SGIP1: variants seen among roughly 807,000 people sequenced by gnomAD.
SGIP1 encodes the protein SH3GL interacting endocytic adaptor 1, also known as SH3-containing GRB2-like protein 3-interacting protein 1.
A neutral mutation model predicts 107.5 loss-of-function variants in SGIP1; 38 were observed. The observed-to-expected ratio is 0.35, with a 90% CI of 0.27 to 0.46. SGIP1 has a LOEUF of 0.46. Ranked by LOEUF, SGIP1 falls within the 20% of genes least tolerant of loss-of-function variation. SGIP1 has a pLI of 1.00. For missense variants in SGIP1, 929 were observed against 1,019.5 expected (o/e 0.91, Z 1.21); for synonymous variants, 365 against 366.1 (o/e 1.00, Z 0.03).
chr1:66,630,203 A>G (rs2073950811), intron 2 of SGIP1, among the ~76,000 whole-genome samples: 1 of 152,178 alleles, frequency 6.6e-6, no homozygotes, highest in Non-Finnish European at 1.5e-5. Context: ...ATTGTGGAAG[A>G]CCATCCCAAC....
chr1:66,695,525 T>C, intron 18 of SGIP1, 32 bp downstream of exon 18: 1 of 1,600,114 alleles, frequency 6.2e-7, no homozygotes, highest in Non-Finnish European at 8.6e-7. Context: ...AGATTCTAAT[T>C]TATACTCCTC....
chr1:66,693,224 C>T (rs530033387), intron 17 of SGIP1, among the ~76,000 whole-genome samples: 6 of 148,696 alleles, frequency 4.0e-5, no homozygotes, highest in African/African-American at 9.9e-5. Context: ...GCCTGGGCAA[C>T]ATAGCAAGAT....
At chr1:66,593,102 A>G (rs899942147) in intron 1 of SGIP1, among the ~76,000 whole-genome samples, 7 of 151,686 alleles carry the variant, frequency 4.6e-5, no homozygotes, top group African/African-American at 1.7e-4. Flanking sequence ...AGCTTATTCC[A>G]TGTCTTTTCC....
intron 1 of SGIP1, among the ~76,000 whole-genome samples, chr1:66,551,046 C>A (rs946632666): frequency 2.0e-5 from 3 of 152,114 alleles, no homozygotes; most frequent in Non-Finnish European, 2.9e-5. Context: ...TGCTTACCTA[C>A]TGTTCCTATT....
intron 18 of SGIP1, 80 bp downstream of exon 18, chr1:66,695,573 G>A: frequency 7.1e-7 from 1 of 1,411,194 alleles, no homozygotes; most frequent in South Asian, 1.3e-5. Context: ...CCAAATCCCA[G>A]TTCTCTTCAA....
At chr1:66,641,707 C>A (rs1009384077) in intron 5 of SGIP1, among the ~76,000 whole-genome samples, 2 of 152,136 alleles carry the variant, frequency 1.3e-5, no homozygotes, top group African/African-American at 4.8e-5. Context: ...TAATAAGAAT[C>A]CAAATATGAT....
At chr1:66,742,676 A>C (rs1481905937) in intron 24 of SGIP1, among the ~76,000 whole-genome samples, 1 of 148,740 alleles carries the variant, frequency 6.7e-6, no homozygotes, top group African/African-American at 2.6e-5. Context: ...TCACCGTGTT[A>C]GCCAGGATGG....
chr1:66,609,219 T>C (rs1243300437), intron 1 of SGIP1, among the ~76,000 whole-genome samples: 1 of 152,176 alleles, frequency 6.6e-6, no homozygotes, highest in African/African-American at 2.4e-5. Context: ...TAAACTGTAA[T>C]ATGAGGCAAA....
At chr1:66,655,235 T>A (rs893521591) in intron 7 of SGIP1, among the ~76,000 whole-genome samples, 4 of 151,914 alleles carry the variant, frequency 2.6e-5, no homozygotes, top group African/African-American at 9.7e-5. Context: ...GACTAACGCC[T>A]GCCATTCTTC....
chr1:66,695,442 C>T lies in SGIP1; in HGVS notation c.1579C>T (p.Gln527Ter). 1 of 1,614,054 alleles carries T rather than the reference C, an allele frequency of 6.2e-7. No individual in the cohort carries two copies. Among genetic ancestry groups the T allele is most frequent in the Non-Finnish European group, 8.5e-7 (1 of 1,179,990 alleles). Reference sequence around the variant, plus strand: ...AACTCCTGGCCATACAGAGAATGAACAGCCTTCCCTCGTTTGGTTTGACAG... The same window carrying T: ...AACTCCTGGCCATACAGAGAATGAATAGCCTTCCCTCGTTTGGTTTGACAG... Reference protein sequence around the residue: ...AATTPTVENEQPSLVWFDRGK... With the variant: ...AATTPTVENE The change falls in exon 18 of 25, where the codon CAG (glutamine) becomes TAG (stop). Residue 527 changes from glutamine to a stop codon, truncating the protein, a stop_gained. Coordinates refer to ENST00000371037, the MANE Select transcript of SGIP1 (RefSeq NM_032291.4). LOFTEE classifies it high-confidence loss of function.
intron 7 of SGIP1, among the ~76,000 whole-genome samples, chr1:66,649,814 A>T (rs1452111451): frequency 1.3e-5 from 2 of 152,198 alleles, no homozygotes; most frequent in Admixed American, 6.5e-5. Flanking sequence ...TCCCTTTAAG[A>T]TAATTTGAGG....
chr1:66,599,719 T>G (rs6680006), intron 1 of SGIP1, among the ~76,000 whole-genome samples: 5,665 of 152,292 alleles, frequency 0.037, 362 homozygotes, highest in African/African-American at 0.13. Context: ...GGATTTTTGT[T>G]CAGTCTGAAT....
intron 18 of SGIP1, among the ~76,000 whole-genome samples, chr1:66,707,442 T>C (rs1251025653): frequency 6.6e-6 from 1 of 152,158 alleles, no homozygotes; most frequent in Non-Finnish European, 1.5e-5. Flanking sequence ...TTTGCATTGA[T>C]AGTTTAATTT....
chr1:66,727,991 C>T lies in SGIP1; in HGVS notation c.1743-1273C>T, dbSNP rs1486524968. 1.3e-5 allele frequency among the ~76,000 whole-genome samples: 2 copies of T among 152,092 alleles called. 1 individual carries two copies. Among genetic ancestry groups the T allele is most frequent in the South Asian group, 4.1e-4 (2 of 4,828 alleles). The stretch of plus-strand genomic sequence containing the variant: ...CATCATATAATCTCATGGAGTTTTA[C>T]ACTGTATATAAGTTCAGTTTATTAT... On this transcript the variant is annotated intron_variant, in intron 19 of 24. Coordinates refer to ENST00000371037, the MANE Select transcript of SGIP1 (RefSeq NM_032291.4).
intron 7 of SGIP1, among the ~76,000 whole-genome samples, chr1:66,647,090 G>C (rs551923570): frequency 6.6e-6 from 1 of 152,232 alleles, no homozygotes; most frequent in South Asian, 2.1e-4. Flanking sequence ...AATAATAATG[G>C]CTTAAACAAT....
intron 1 of SGIP1, among the ~76,000 whole-genome samples, chr1:66,578,827 A>G (rs1047831315): frequency 1.1e-4 from 16 of 152,158 alleles, no homozygotes; most frequent in African/African-American, 3.9e-4. Context: ...ATGCGCCAGC[A>G]CACCCGACTA....
intron 19 of SGIP1, among the ~76,000 whole-genome samples, chr1:66,723,498 T>C (rs2093631581): frequency 6.6e-6 from 1 of 152,196 alleles, no homozygotes; most frequent in African/African-American, 2.4e-5. Context: ...TTAAAGAACA[T>C]TGGTGCTTAA....
At chr1:66,565,754 A>T (rs1346845396) in intron 1 of SGIP1, among the ~76,000 whole-genome samples, 1 of 152,014 alleles carries the variant, frequency 6.6e-6, no homozygotes, top group Non-Finnish European at 1.5e-5. Context: ...CATTTATTCA[A>T]CACACTTTTG....
chr1:66,741,274 G>T lies in SGIP1; in HGVS notation c.2302G>T (p.Val768Leu), dbSNP rs1351156408. Residue 768 changes from valine to leucine, a missense_variant and splice_region_variant, in exon 24 of 25, where the codon GTG (valine) becomes TTG (leucine). Physicochemically the swap from Val to Leu is conservative, Grantham distance 32. Around this residue, in one of 2 missense-constraint regions of SGIP1, gnomAD observed 341 missense variants for 430.9 expected, o/e 0.79. Transcript: ENST00000371037. ...TGTAATAATGTGTTTTTTTTTAGGGGTGGGTTCTTTGTTGGCAAGATTTCA... is the reference window on the plus strand; with the variant it reads ...TGTAATAATGTGTTTTTTTTTAGGGTTGGGTTCTTTGTTGGCAAGATTTCA... ...DISQKSENGG[V>L]GSLLARFQLS... 1.9e-6 allele frequency: 3 copies of T among 1,572,950 alleles called. No homozygotes were observed. Among genetic ancestry groups the T allele is most frequent in the South Asian group, 2.4e-5 (2 of 84,236 alleles).
Sources: allele counts gnomAD v4.1 joint callset (sites outside exome capture counted in the v4.1 genomes callset), GRCh38; gene constraint gnomAD v4.1.1; regional missense constraint gnomAD v4.1.1; transcripts MANE v1.5; gene names NCBI Gene and HGNC (gene_info 2026-07-23, HGNC 2026-07-21).